The following ZNF385D variants were observed in gnomAD, a reference collection of about 807,000 sequenced individuals.
The protein encoded by ZNF385D is zinc finger protein 659.
Under a neutral mutation model 35.8 loss-of-function variants are expected in ZNF385D, and 15 were observed. That is an observed-to-expected ratio of 0.42 (90% CI 0.28 to 0.64). The LOEUF is 0.64. Among genes scored for constraint, ZNF385D ranks in the 30% least tolerant of loss-of-function variants. The probability of loss-of-function intolerance (pLI) is 0.23; values close to 1 mark genes in which losing one functional copy is unlikely to be tolerated. For synonymous variants in ZNF385D, 212 were observed against 186.8 expected (o/e 1.13, Z -1.10); for missense variants, 474 against 494.6 (o/e 0.96, Z 0.39).
rs1022018848 is a variant in ZNF385D at position 21,783,067 on chromosome 3, G to C, written c.326-118039C>G. ...TGCTAGATCTTCACGATTGGTAACTGATCACTACTCTCCTGATTTTTGGAT... is the reference window on the plus strand; with the variant it reads ...TGCTAGATCTTCACGATTGGTAACTCATCACTACTCTCCTGATTTTTGGAT... On this transcript the variant is annotated intron_variant, in intron 3 of 5. Coordinates refer to the ZNF385D transcript ENST00000494108. 8.5e-5 allele frequency among the ~76,000 whole-genome samples: 13 copies of C among 152,228 alleles called. No homozygotes were observed. In the South Asian group the frequency reaches 2.3e-3, roughly 27 times the overall value.
Position 22,168,445 on chromosome 3 carries a change from A to G in ZNF385D, c.325+372T>C, listed in dbSNP as rs185367692. ...CAAACCAATTGCAGTGTTACCAACC[A>G]ATTGAATCCTGAATATCTGCAGGAA... On this transcript the variant is annotated intron_variant, in intron 3 of 5. Transcript: ENST00000494108. The G allele has an allele frequency of 2.0e-5, 3 of 152,194 alleles. No homozygotes were observed. The East Asian group carries it at 5.8e-4, about 29-fold the overall frequency. The allele number at this position is 152,194 out of a possible 1,614,324, so 9.4% of individuals were successfully genotyped here.
chr3:21,502,419 T>C (rs1706447039), intron 4 of ZNF385D, among the ~76,000 whole-genome samples: 1 of 152,194 alleles, frequency 6.6e-6, no homozygotes, highest in South Asian at 2.1e-4. Flanking sequence ...CCCTGCAGGA[T>C]ACATACATGT....
chr3:21,922,544 C>T (rs1464994736), intron 3 of ZNF385D, among the ~76,000 whole-genome samples: 2 of 152,162 alleles, frequency 1.3e-5, no homozygotes, highest in African/African-American at 4.8e-5. Flanking sequence ...GAGGAAAGGA[C>T]TCCTATTCAA....
At chr3:21,705,239 C>T (rs879566500) in intron 1 of ZNF385D, among the ~76,000 whole-genome samples, 21 of 152,048 alleles carry the variant, frequency 1.4e-4, no homozygotes, top group Non-Finnish European at 2.6e-4. Context: ...GAACTCTGAC[C>T]CAAATCCCTG....
At chr3:21,446,067 A>T (rs1390771531) in intron 4 of ZNF385D, among the ~76,000 whole-genome samples, 2 of 152,200 alleles carry the variant, frequency 1.3e-5, no homozygotes, top group Admixed American at 1.3e-4. Flanking sequence ...GACAAAACAC[A>T]GACTGCCCAG....
In ZNF385D at chr3:21,598,572, C is replaced by G. The variant is rs2064190224; in HGVS notation, c.166-33888G>C. ...AAAACTGAAGAAAGTGAGCTTTCTG[C>G]CCAACAGACAAAAGGCTAGAGTCTC... On this transcript the variant is annotated intron_variant, in intron 2 of 7. Transcript: ENST00000281523. Among the ~76,000 whole-genome samples, 3 of 152,088 alleles carry G rather than the reference C, an allele frequency of 2.0e-5. No individual in the cohort carries two copies. The South Asian group carries it at 6.2e-4, about 32-fold the overall frequency.
At chr3:22,236,090 T>C (rs1033156684) in intron 2 of ZNF385D, among the ~76,000 whole-genome samples, 3 of 151,988 alleles carry the variant, frequency 2.0e-5, no homozygotes, top group East Asian at 1.9e-4. Flanking sequence ...TGGAATAATA[T>C]ACAATCAGCA....
intron 3 of ZNF385D, among the ~76,000 whole-genome samples, chr3:22,106,184 G>C (rs1241775655): frequency 6.6e-6 from 1 of 152,120 alleles, no homozygotes; most frequent in African/African-American, 2.4e-5. Flanking sequence ...TGCTACCTGA[G>C]TTGAAAATCA....
At chr3:22,275,555 T>A (rs1701384375) in intron 2 of ZNF385D, among the ~76,000 whole-genome samples, 1 of 152,156 alleles carries the variant, frequency 6.6e-6, no homozygotes. Flanking sequence ...TCATAGACTT[T>A]GCTTACCATT....
chr3:22,065,345 A>C (rs1699886262), intron 3 of ZNF385D, among the ~76,000 whole-genome samples: 1 of 152,188 alleles, frequency 6.6e-6, no homozygotes, highest in Non-Finnish European at 1.5e-5. Context: ...AAGCTGCAAA[A>C]ATAGTCCAAT....
chr3:22,240,170 G>A lies in ZNF385D; in HGVS notation c.107-71135C>T, dbSNP rs186567149. 1.8e-3 allele frequency among the ~76,000 whole-genome samples: 198 copies of A among 109,272 alleles called. 7 individuals carry two copies. The highest frequency in any genetic ancestry group is 5.8e-3 in the African/African-American group (156 of 26,732). 71.7% of individuals were successfully genotyped at this position (109,272 alleles called of 152,430 possible). A position where few individuals can be genotyped will look rare whatever the true frequency, so the allele number is the denominator to read the frequency against. ...TGCACTCCAGCCTAGGTGACAAAGC[G>A]AGACCCTGTCTCCAAAAAAAAAAAA... On this transcript the variant is annotated intron_variant, in intron 2 of 5. Coordinates refer to the ZNF385D transcript ENST00000494108.
chr3:21,580,753 G>A (rs1489652657), intron 2 of ZNF385D, among the ~76,000 whole-genome samples: 2 of 151,602 alleles, frequency 1.3e-5, no homozygotes, highest in Non-Finnish European at 2.9e-5. Flanking sequence ...GCTCAAAAAT[G>A]CAAATGTACA....
chr3:22,207,902 T>A (rs971998241), intron 2 of ZNF385D, among the ~76,000 whole-genome samples: 1 of 151,842 alleles, frequency 6.6e-6, no homozygotes, highest in Non-Finnish European at 1.5e-5. Context: ...CTAGTCAAAA[T>A]AGCTTTGGTC....
chr3:22,306,141 G>A (rs983954303), intron 2 of ZNF385D, among the ~76,000 whole-genome samples: 13 of 151,980 alleles, frequency 8.6e-5, no homozygotes, highest in Non-Finnish European at 1.6e-4. Context: ...GAGTTATTCT[G>A]CTTGCATAGT....
At chr3:21,844,127 C>T (rs1695852108) in intron 3 of ZNF385D, among the ~76,000 whole-genome samples, 1 of 151,924 alleles carries the variant, frequency 6.6e-6, no homozygotes, top group South Asian at 2.1e-4. Context: ...TTTTCACTAT[C>T]TTATGTAATT....
At chr3:22,263,915 G>A (rs1700760580) in intron 2 of ZNF385D, among the ~76,000 whole-genome samples, 1 of 151,956 alleles carries the variant, frequency 6.6e-6, no homozygotes, top group Admixed American at 6.6e-5. Flanking sequence ...ATAGTGTCAA[G>A]GATGATAAAT....
intron 3 of ZNF385D, among the ~76,000 whole-genome samples, chr3:21,915,929 T>C (rs962984706): frequency 4.6e-5 from 7 of 152,152 alleles, no homozygotes; most frequent in Admixed American, 6.5e-5. Flanking sequence ...TGGCTCTTAT[T>C]ACACTGGCCA....
intron 1 of ZNF385D, among the ~76,000 whole-genome samples, chr3:21,741,106 A>AG (rs2069493878): frequency 1.3e-5 from 2 of 152,160 alleles, no homozygotes; most frequent in Admixed American, 1.3e-4. Flanking sequence ...CAGTGGCCAC[A>AG]TCACCTGTTA....
intron 3 of ZNF385D, among the ~76,000 whole-genome samples, chr3:22,084,170 T>A (rs1312668112): frequency 6.6e-6 from 1 of 152,126 alleles, no homozygotes; most frequent in African/African-American, 2.4e-5. Context: ...AGAAATTGCA[T>A]CAACTAACGG....
Sources: allele counts gnomAD v4.1 joint callset (sites outside exome capture counted in the v4.1 genomes callset), GRCh38; gene constraint gnomAD v4.1.1; transcripts MANE v1.5; gene names NCBI Gene and HGNC (gene_info 2026-07-23, HGNC 2026-07-21).